EBF4: variants seen among roughly 807,000 people sequenced by gnomAD.
The protein encoded by EBF4 is EBF transcription factor 4.
A neutral mutation model predicts 67.1 loss-of-function variants in EBF4; 34 were observed. The observed-to-expected ratio is 0.51, with a 90% CI of 0.39 to 0.67. EBF4 has a LOEUF of 0.67. EBF4 is among the 30% of genes least tolerant of loss of function. The probability of loss-of-function intolerance (pLI) is 0.00; values close to 1 mark genes in which losing one functional copy is unlikely to be tolerated. For missense variants in EBF4, 837 were observed against 873.3 expected (o/e 0.96, Z 0.52); for synonymous variants, 387 against 377.7 (o/e 1.02, Z -0.29).
chr20:2,719,045 A>C (rs2087645625), intron 6 of EBF4, among the ~76,000 whole-genome samples: 1 of 152,128 alleles, frequency 6.6e-6, no homozygotes, highest in African/African-American at 2.4e-5. Flanking sequence ...CTTAATTTCC[A>C]AAAACTTGGG....
intron 1 of EBF4, among the ~76,000 whole-genome samples, chr20:2,702,818 C>T (rs2087395434): frequency 6.6e-6 from 1 of 152,194 alleles, no homozygotes; most frequent in African/African-American, 2.4e-5. Context: ...CCTGGTCACT[C>T]CCCTGCATCC....
exon 13 of EBF4, chr20:2,752,151 G>T: frequency 6.9e-7 from 1 of 1,448,848 alleles, no homozygotes. Context: ...GCGCACCCGG[G>T]CCGCTCGCAC....
intron 6 of EBF4, among the ~76,000 whole-genome samples, chr20:2,735,144 G>A (rs1486959536): frequency 3.3e-5 from 5 of 152,132 alleles, no homozygotes; most frequent in African/African-American, 1.2e-4. Context: ...CTGAAGATAG[G>A]GTCTTTCCCA....
chr20:2,702,616 C>T (rs2087392648), intron 1 of EBF4, among the ~76,000 whole-genome samples: 1 of 152,182 alleles, frequency 6.6e-6, no homozygotes, highest in South Asian at 2.1e-4. Context: ...AAAACAATAG[C>T]AAGTCCCTCA....
At chr20:2,746,895 A>G (rs1568585467) in intron 6 of EBF4, among the ~76,000 whole-genome samples, 1 of 152,208 alleles carries the variant, frequency 6.6e-6, no homozygotes, top group African/African-American at 2.4e-5. Flanking sequence ...GACCTACTGC[A>G]GACGTTAGCC....
At chr20:2,741,116 G>A (rs1418852126) in intron 6 of EBF4, among the ~76,000 whole-genome samples, 1 of 152,142 alleles carries the variant, frequency 6.6e-6, no homozygotes, top group African/African-American at 2.4e-5. Flanking sequence ...TTTGAGACCA[G>A]CCTGGGCAAC....
intron 1 of EBF4, among the ~76,000 whole-genome samples, chr20:2,704,044 T>C (rs1004221229): frequency 1.1e-4 from 16 of 152,140 alleles, no homozygotes; most frequent in African/African-American, 3.4e-4. Flanking sequence ...CCTGAATCAC[T>C]AATCCAAAAA....
chr20:2,752,210 T>G, exon 13 of EBF4: 1 of 1,404,060 alleles, frequency 7.1e-7, no homozygotes, highest in Non-Finnish European at 9.3e-7. Flanking sequence ...ATCAACGCCT[T>G]CAGCAGCCCG....
At chr20:2,709,792 C>A in intron 6 of EBF4, 150 bp downstream of exon 6, 1 of 769,942 alleles carries the variant, frequency 1.3e-6, no homozygotes, top group South Asian at 4.3e-5. Flanking sequence ...AGGGAAACTG[C>A]CAGGCACCAG....
intron 1 of EBF4, among the ~76,000 whole-genome samples, chr20:2,694,030 G>C (rs1233101077): frequency 3.3e-5 from 5 of 152,198 alleles, no homozygotes; most frequent in Non-Finnish European, 7.3e-5. Flanking sequence ...TCGCGGGTGC[G>C]GCGGTGAACG....
intron 6 of EBF4, among the ~76,000 whole-genome samples, chr20:2,736,706 C>T (rs2087882085): frequency 1.3e-5 from 2 of 152,202 alleles, no homozygotes; most frequent in South Asian, 4.1e-4. Flanking sequence ...CCCCATTCCC[C>T]CCAACCCCCA....
intron 6 of EBF4, among the ~76,000 whole-genome samples, chr20:2,732,837 C>CAG (rs3053396): frequency 0.32 from 48,140 of 151,186 alleles, 8,252 homozygotes; most frequent in African/African-American, 0.46. Flanking sequence ...TTTTTTGAGA[C>CAG]GGAATTATAA....
Position 2,751,325 on chromosome 20 carries a change from C to T in EBF4, c.1019-375C>T, listed in dbSNP as rs2088141847. Reference sequence around the variant, plus strand: ...GTTTTTTCTTTTTTATAATAAACTCCTGATTTGACCAGATGAAAAGAGAAA... The same window carrying T: ...GTTTTTTCTTTTTTATAATAAACTCTTGATTTGACCAGATGAAAAGAGAAA... On this transcript the variant is annotated intron_variant, in intron 10 of 16. Transcript: ENST00000609451. This position sits in a 1 kb window ranked among gnomAD's most constrained non-coding sequence, Gnocchi z 5.2. Among the ~76,000 whole-genome samples the T allele has an allele frequency of 6.6e-6, 1 of 152,148 alleles. No individual in the cohort carries two copies. Among genetic ancestry groups the T allele is most frequent in the African/African-American group, 2.4e-5 (1 of 41,428 alleles).
intron 14 of EBF4, 128 bp downstream of exon 14, chr20:2,752,673 G>A (rs569118046): frequency 1.2e-6 from 1 of 836,576 alleles, no homozygotes; most frequent in Non-Finnish European, 1.6e-6. Context: ...CTCAGCCCTC[G>A]GGGTCAGGCC....
chr20:2,730,590 C>T (rs1315432794), intron 6 of EBF4, among the ~76,000 whole-genome samples: 1 of 152,178 alleles, frequency 6.6e-6, no homozygotes, highest in Non-Finnish European at 1.5e-5. Context: ...ACAATGACGT[C>T]CCCTATACAA....
At chr20:2,752,142 C>T in exon 13 of EBF4, 6 of 1,447,194 alleles carry the variant, frequency 4.1e-6, no homozygotes, top group Non-Finnish European at 4.5e-6. Context: ...GCACCCCCCG[C>T]GCACCCGGGC....
exon 3 of EBF4, chr20:2,706,018 C>T (rs1273718321): frequency 1.7e-5 from 27 of 1,551,592 alleles, no homozygotes; most frequent in Non-Finnish European, 2.3e-5. Flanking sequence ...ATTACCGCCT[C>T]CGGCTGGTGT....
chr20:2,746,146 G>T (rs773705795), intron 6 of EBF4, among the ~76,000 whole-genome samples: 27 of 152,192 alleles, frequency 1.8e-4, no homozygotes, highest in Non-Finnish European at 3.5e-4. Context: ...ACATGTGGGT[G>T]TAGTGTGTTT....
chr20:2,737,181 C>T (rs1257530449), intron 6 of EBF4, among the ~76,000 whole-genome samples: 3 of 147,224 alleles, frequency 2.0e-5, no homozygotes, highest in Non-Finnish European at 4.4e-5. Flanking sequence ...ACCCGGGAGG[C>T]GGAGCTTGCA....
Sources: allele counts gnomAD v4.1 joint callset (sites outside exome capture counted in the v4.1 genomes callset), GRCh38; gene constraint gnomAD v4.1.1; non-coding constraint Gnocchi (gnomAD v3.1); transcripts MANE v1.5; gene names NCBI Gene and HGNC (gene_info 2026-07-23, HGNC 2026-07-21).